The following CERCAM variants were observed in gnomAD, a reference collection of about 807,000 sequenced individuals.
CERCAM encodes inactive glycosyltransferase 25 family member 3.
In CERCAM, 59 loss-of-function variants were observed where a neutral mutation model predicts 66.0. The ratio of observed to expected loss-of-function variants is 0.89; its 90% confidence interval spans 0.73 to 1.11. The LOEUF (loss-of-function observed/expected upper bound fraction) is 1.11, where lower values mean the gene tolerates loss of function less well. CERCAM is among the 50% of genes most tolerant of loss of function. The pLI is 0.00. For missense variants in CERCAM, 840 were observed against 828.3 expected, an observed-to-expected ratio of 1.01 and a Z score of -0.17; for synonymous variants, 318 against 343.6, an observed-to-expected ratio of 0.93 and a Z score of 0.83.
intron 1 of CERCAM, chr9:128,421,571 C>CA (rs1290897117): frequency 6.2e-6 from 6 of 966,902 alleles, no homozygotes; most frequent in Non-Finnish European, 7.4e-6. Flanking sequence ...CCGGCCCCCC[C>CA]ACCGCCCCCG....
chr9:128,425,256 C>T (rs1221213520), intron 5 of CERCAM, among the ~76,000 whole-genome samples: 3 of 150,808 alleles, frequency 2.0e-5, no homozygotes, highest in Non-Finnish European at 4.4e-5. Flanking sequence ...GGGGTTTCAC[C>T]GTGTTAACCA....
At chr9:128,426,360 C>A (rs1833846161) in intron 5 of CERCAM, among the ~76,000 whole-genome samples, 1 of 151,918 alleles carries the variant, frequency 6.6e-6, no homozygotes, top group South Asian at 2.1e-4. Context: ...TGCGGTGGCT[C>A]ACGCCTGTAA....
Position 128,424,458 on chromosome 9 carries a change from C to T in CERCAM, c.610C>T (p.Arg204Cys), listed in dbSNP as rs143495365. ...AEYFPTKNRQ[R>C]RGCFRVPMVH... ...GTACTTCCCCACCAAGAACCGCCAGCGCCGGGGCTGCTTCCGTGTCCCCAT... is the reference window on the plus strand; with the variant it reads ...GTACTTCCCCACCAAGAACCGCCAGTGCCGGGGCTGCTTCCGTGTCCCCAT... Residue 204 changes from arginine to cysteine, a missense_variant, in exon 5 of 13, where the codon CGC becomes TGC. By Grantham distance (180) the Arg-to-Cys change is radical. Coordinates refer to ENST00000372838, the MANE Select transcript of CERCAM (RefSeq NM_016174.5). The T allele has an allele frequency of 6.8e-6, 11 of 1,614,008 alleles. No individual in the cohort carries two copies. Among genetic ancestry groups the T allele is most frequent in the South Asian group, 3.3e-5 (3 of 91,076 alleles).
rs372154986 is a variant in CERCAM, at chr9:128,423,946, C to T, written c.427-192C>T. The T allele has an allele frequency of 1.1e-4, 71 of 636,442 alleles. No individual in the cohort carries two copies. In the African/African-American group the frequency reaches 1.2e-3, roughly 10 times the overall value. 39.4% of individuals were successfully genotyped at this position (636,442 alleles called of 1,614,324 possible). ...GTAACTCAGGTATAATCTCTGGACCCAGTCCCTGAGTCAGTGCCCCAGACT... is the reference window on the plus strand; with the variant it reads ...GTAACTCAGGTATAATCTCTGGACCTAGTCCCTGAGTCAGTGCCCCAGACT... On this transcript the variant is annotated intron_variant, in intron 3 of 12. Transcript: ENST00000372838.
Position 128,420,862 on chromosome 9 carries a change from C to T in CERCAM, c.-16C>T, listed in dbSNP as rs1031806260. 1 of 1,210,908 alleles carries T rather than the reference C, an allele frequency of 8.3e-7. No homozygotes were observed. The highest frequency in any genetic ancestry group is 1.0e-6 in the Non-Finnish European group (1 of 966,132). The allele number at this position is 1,210,908 out of a possible 1,614,324, so 75.0% of individuals were successfully genotyped here. A position where few individuals can be genotyped will look rare whatever the true frequency, so the allele number is the denominator to read the frequency against. On this transcript the variant is annotated 5_prime_UTR_variant, in exon 1 of 13. Coordinates refer to ENST00000372838, the MANE Select transcript of CERCAM (RefSeq NM_016174.5). The surrounding 1 kb of genome is among the most constrained non-coding windows in gnomAD (Gnocchi z 5.0). ...CGAGAGCTCCGGGGGCCGCTGCAGC[C>T]GCCCAAGCGCCCGCCATGCGCGCTG... is the stretch of plus-strand genomic sequence containing the variant.
Position 128,428,777 on chromosome 9 carries a change from G to C in CERCAM, c.907G>C (p.Ala303Pro). 1 of 1,613,980 alleles carries C rather than the reference G, an allele frequency of 6.2e-7. No homozygotes were observed. The highest frequency in any genetic ancestry group is 8.5e-7 in the Non-Finnish European group (1 of 1,180,002). The change falls in exon 7 of 13, where the codon GCC (alanine) becomes CCC (proline). Residue 303 changes from alanine (A) to proline (P), a missense_variant. Coordinates refer to ENST00000372838, the MANE Select transcript of CERCAM (RefSeq NM_016174.5). ...TGCAGTGGACGGCCCCCGCATGCAGGCCTCAGCTCATGTGACTCGGCCCTC... is the reference window on the plus strand; with the variant it reads ...TGCAGTGGACGGCCCCCGCATGCAGCCCTCAGCTCATGTGACTCGGCCCTC... ...EALVDGPRMQASAHVTRPSKR... is the reference protein window; with the variant it reads ...EALVDGPRMQPSAHVTRPSKR...
intron 9 of CERCAM, among the ~76,000 whole-genome samples, chr9:128,432,337 T>C (rs1833994666): frequency 6.6e-6 from 1 of 151,832 alleles, no homozygotes; most frequent in South Asian, 2.1e-4. Context: ...ATGTTGGCTT[T>C]TTTACCGTCC....
intron 5 of CERCAM, among the ~76,000 whole-genome samples, chr9:128,424,939 C>T (rs1008912532): frequency 2.6e-5 from 4 of 151,644 alleles, no homozygotes; most frequent in Admixed American, 2.0e-4. Flanking sequence ...TCAGGCTGGT[C>T]TCAAAACTCC....
At chr9:128,432,725 A>T (rs1250429530) in intron 9 of CERCAM, among the ~76,000 whole-genome samples, 7 of 152,212 alleles carry the variant, frequency 4.6e-5, no homozygotes, top group Admixed American at 3.9e-4. Context: ...CACAGAAGTT[A>T]TCAAAAGTAG....
chr9:128,428,161 C>T (rs527387374), intron 5 of CERCAM, 141 bp from the exon 6 acceptor site: 2 of 956,276 alleles, frequency 2.1e-6, no homozygotes, highest in South Asian at 1.7e-5. Context: ...CCCTTTCTCC[C>T]TCTGGTCCCA....
chr9:128,433,744 C>T (rs60355691), intron 9 of CERCAM, among the ~76,000 whole-genome samples: 7,967 of 152,266 alleles, frequency 0.052, 667 homozygotes, highest in African/African-American at 0.18. Flanking sequence ...GCTGTGTGTC[C>T]TTGGACAGGC....
Position 128,434,244 on chromosome 9 carries a change from C to T in CERCAM, c.1331+15C>T, listed in dbSNP as rs1451973379. On this transcript the variant is annotated intron_variant, in intron 10 of 12. Transcript: ENST00000372838. The surrounding 1 kb of genome is among the most constrained non-coding windows in gnomAD (Gnocchi z 4.5). ...TGGGACCTGATGTAGGCAGCCTGCA[C>T]CCTCAGGGACAAGGGGGCAGGGTGG... 3 of 1,613,776 alleles carry T rather than the reference C, an allele frequency of 1.9e-6. No homozygotes were observed. The highest frequency in any genetic ancestry group is 2.5e-6 in the Non-Finnish European group (3 of 1,179,844).
Position 128,428,917 on chromosome 9 carries a change from C to T in CERCAM, c.964-13C>T. Reference sequence around the variant, plus strand: ...TCCCTTGCACTTACCGCCCACCCCCCTGCCTCCTCCAGGTCTTTGTCATCA... The same window carrying T: ...TCCCTTGCACTTACCGCCCACCCCCTTGCCTCCTCCAGGTCTTTGTCATCA... On this transcript the variant is annotated splice_polypyrimidine_tract_variant and intron_variant, in intron 7 of 12. Transcript: ENST00000372838. 5 of 1,607,460 alleles carry T rather than the reference C, an allele frequency of 3.1e-6. No homozygotes were observed. The highest frequency in any genetic ancestry group is 3.4e-6 in the Non-Finnish European group (4 of 1,176,654).
At position 128,431,242 on chromosome 9, in the gene CERCAM, G is replaced by T; in HGVS notation, c.1142G>T (p.Gly381Val). 6.2e-7 allele frequency: 1 copy of T among 1,614,054 alleles called. No homozygotes were observed. The highest frequency in any genetic ancestry group is 1.7e-5 in the Admixed American group (1 of 60,020). ...CCGGGCTACCAGGACCCTTACTCGGGCCGCACTCTGACCAAGGGCGAGGTG... is the reference window on the plus strand; with the variant it reads ...CCGGGCTACCAGGACCCTTACTCGGTCCGCACTCTGACCAAGGGCGAGGTG... ...LLPGYQDPYS[G>V]RTLTKGEVGC... The change falls in exon 9 of 13, where the codon GGC (glycine) becomes GTC (valine). Residue 381 changes from glycine (G) to valine (V), a missense_variant. Coordinates refer to ENST00000372838, the MANE Select transcript of CERCAM (RefSeq NM_016174.5).
intron 12 of CERCAM, 90 bp downstream of exon 12, chr9:128,435,995 C>G: frequency 8.0e-7 from 1 of 1,244,874 alleles, no homozygotes; most frequent in Non-Finnish European, 1.1e-6. Context: ...GCTGTTTTCC[C>G]CTTCTCAGCC....
chr9:128,434,554 T>A lies in CERCAM; in HGVS notation c.1476T>A (p.Pro492=), dbSNP rs755786942. The change falls in exon 11 of 13, where the codon CCT becomes CCA. Residue 492 remains proline (P), a synonymous_variant. Transcript: ENST00000372838. This position sits in a 1 kb window ranked among gnomAD's most constrained non-coding sequence, Gnocchi z 4.5. Reference sequence around the variant, plus strand: ...CCCGCAAGCTGCTGGCCTCACAGCCTCTGCGCCGCATGCTGCCCGTGGACG... The same window carrying A: ...CCCGCAAGCTGCTGGCCTCACAGCCACTGCGCCGCATGCTGCCCGTGGACG... The part of the protein sequence containing the change: ...AGARKLLASQ[P]LRRMLPVDEF... 2.3e-5 allele frequency: 37 copies of A among 1,611,992 alleles called. No individual in the cohort carries two copies. In the East Asian group the frequency reaches 8.2e-4, roughly 36 times the overall value.
Position 128,434,636 on chromosome 9 carries a change from G to A in CERCAM, c.1535+23G>A. On this transcript the variant is annotated intron_variant, in intron 11 of 12. Coordinates refer to ENST00000372838, the MANE Select transcript of CERCAM (RefSeq NM_016174.5). This position sits in a 1 kb window ranked among gnomAD's most constrained non-coding sequence, Gnocchi z 4.5. ...CAAGTGAGGCTCTGATGGGGGCCGG[G>A]CATGGCAGGGCAGAGGCGTCCCCTC... 2 of 1,594,950 alleles carry A rather than the reference G, an allele frequency of 1.3e-6. No homozygotes were observed. Among genetic ancestry groups the A allele is most frequent in the Non-Finnish European group, 1.7e-6 (2 of 1,173,606 alleles).
At chr9:128,421,867 T>G (rs1001279481) in intron 1 of CERCAM, 6 of 152,236 alleles carry the variant, frequency 3.9e-5, no homozygotes, top group African/African-American at 1.4e-4. Context: ...TACCACAGTT[T>G]GGGAGTTTGT....
At chr9:128,421,139 C>T in intron 1 of CERCAM, 65 bp downstream of exon 1, 4 of 1,260,560 alleles carry the variant, frequency 3.2e-6, no homozygotes, top group Non-Finnish European at 4.0e-6. Flanking sequence ...TGGCCCCCGC[C>T]CCCGGCGGCC....
Sources: gnomAD v4.1 joint callset for allele counts (sites outside exome capture counted in the v4.1 genomes callset) on GRCh38, gnomAD v4.1.1 for gene constraint, Gnocchi (gnomAD v3.1) non-coding constraint, MANE v1.5 for transcripts, NCBI Gene and HGNC (gene_info 2026-07-23, HGNC 2026-07-21) for gene names.